Variants in MICAL2 observed in about 807,000 individuals in gnomAD.
The protein encoded by MICAL2 is [F-actin]-monooxygenase MICAL2.
A neutral mutation model predicts 127.3 loss-of-function variants in MICAL2; 77 were observed. The ratio of observed to expected loss-of-function variants is 0.60; its 90% CI spans 0.50 to 0.73. The LOEUF is 0.73. Among genes scored for constraint, MICAL2 ranks in the 30% least tolerant of loss-of-function variants. The pLI is 0.00. For synonymous variants in MICAL2, 570 were observed against 551.1 expected (o/e 1.03, Z -0.48); for missense variants, 1,351 against 1,434.4 (o/e 0.94, Z 0.94).
intron 32 of MICAL2, among the ~76,000 whole-genome samples, chr11:12,330,900 A>AGAGAGAGAGTGTGTGTGT (rs1238311364): frequency 2.5e-5 from 3 of 119,348 alleles, no homozygotes; most frequent in African/African-American, 9.2e-5. Flanking sequence ...AGAGAGAGAG[A>AGAGAGAGAGTGTGTGTGT]GTGTGTGTGT....
Position 12,204,468 on chromosome 11 carries a change from T to A in MICAL2, c.472+11T>A. The stretch of plus-strand genomic sequence containing the variant: ...CCATCGACCATATCAGTGAGTGGAG[T>A]CTATGGTGATATCCCATGAAGGGAG... On this transcript the variant is annotated intron_variant, in intron 4 of 27. Transcript: ENST00000683283. 1 of 1,612,816 alleles carries A rather than the reference T, an allele frequency of 6.2e-7. No homozygotes were observed. The highest frequency in any genetic ancestry group is 8.5e-7 in the Non-Finnish European group (1 of 1,178,984).
intron 26 of MICAL2, chr11:12,261,998 C>T (rs1863180059): frequency 1.0e-6 from 1 of 1,000,074 alleles, no homozygotes; most frequent in Non-Finnish European, 1.2e-6. Context: ...TCCATGAAGC[C>T]CGAGTCGGAA....
intron 3 of MICAL2, among the ~76,000 whole-genome samples, chr11:12,194,606 C>G (rs1487018230): frequency 2.0e-5 from 3 of 152,176 alleles, no homozygotes; most frequent in Non-Finnish European, 2.9e-5. Flanking sequence ...ATCTCAGAAG[C>G]CTCCCCTCTT....
intron 25 of MICAL2, among the ~76,000 whole-genome samples, chr11:12,259,221 T>C (rs1164516010): frequency 6.6e-6 from 1 of 152,242 alleles, no homozygotes; most frequent in African/African-American, 2.4e-5. Context: ...CAGTTGACAT[T>C]TTGTAACATC....
At position 12,188,623 on chromosome 11, in the gene MICAL2, C is replaced by G. The variant is rs563865364; in HGVS notation, c.265-15627C>G. On this transcript the variant is annotated intron_variant, in intron 3 of 27. Transcript: ENST00000683283. ...TGTTTTACTCTCACTTTTGATGAACCAATCTTCTCTCATTGACAATGACAC... is the reference window on the plus strand; with the variant it reads ...TGTTTTACTCTCACTTTTGATGAACGAATCTTCTCTCATTGACAATGACAC... Among the ~76,000 whole-genome samples, 364 of 152,226 alleles carry G rather than the reference C, an allele frequency of 2.4e-3. 3 individuals carry two copies. Among genetic ancestry groups the G allele is most frequent in the African/African-American group, 8.6e-3 (355 of 41,514 alleles).
intron 3 of MICAL2, among the ~76,000 whole-genome samples, chr11:12,188,051 C>T (rs1382141320): frequency 6.6e-6 from 1 of 152,102 alleles, no homozygotes; most frequent in Non-Finnish European, 1.5e-5. Context: ...CTTTTTTCTC[C>T]AGCTTTTTGC....
intron 3 of MICAL2, among the ~76,000 whole-genome samples, chr11:12,174,910 C>T (rs1856669816): frequency 6.6e-6 from 1 of 152,106 alleles, no homozygotes; most frequent in Non-Finnish European, 1.5e-5. Flanking sequence ...TGCTTTAGCT[C>T]AGGAGATTGA....
chr11:12,269,412 A>G (rs887057177), intron 24 of MICAL2, among the ~76,000 whole-genome samples: 1 of 152,258 alleles, frequency 6.6e-6, no homozygotes, highest in Non-Finnish European at 1.5e-5. Flanking sequence ...GGTTCCAAGA[A>G]GAAGGCTCCA....
rs1262064193 is a variant in MICAL2, at chr11:12,236,371, G to A, written c.2064+126G>A. ...TCTCTCATGAACCACTGGGTTCCAA[G>A]CTTGGCGTGATGGAAAAACAGTTGG... On this transcript the variant is annotated intron_variant, in intron 16 of 27. Transcript: ENST00000683283. The A allele has an allele frequency of 1.4e-5, 12 of 827,764 alleles. No individual in the cohort carries two copies. In the East Asian group the frequency reaches 1.5e-4, roughly 10 times the overall value. 51.3% of individuals were successfully genotyped at this position (827,764 alleles called of 1,614,324 possible).
chr11:12,154,777 G>A (rs551009402), intron 2 of MICAL2, among the ~76,000 whole-genome samples: 102 of 152,248 alleles, frequency 6.7e-4, no homozygotes, highest in African/African-American at 2.3e-3. Flanking sequence ...TTTGATACTT[G>A]TAGACTCTCC....
chr11:12,359,351 A>T (rs1202869541), downstream of MICAL2, among the ~76,000 whole-genome samples: 1 of 137,478 alleles, frequency 7.3e-6, no homozygotes. Flanking sequence ...AAAAAAAAAA[A>T]GAGGGGAACT....
intron 3 of MICAL2, among the ~76,000 whole-genome samples, chr11:12,181,118 A>T (rs1345844867): frequency 6.6e-6 from 1 of 151,776 alleles, no homozygotes. Context: ...TAATTTTTCT[A>T]TTTTTAGTAG....
In MICAL2 at chr11:12,118,725, G is replaced by C. The variant is rs568458910; in HGVS notation, c.-149+7999G>C. Among the ~76,000 whole-genome samples the C allele has an allele frequency of 2.1e-3, 316 of 152,302 alleles. 2 individuals are homozygous for C. Among genetic ancestry groups the C allele is most frequent in the South Asian group, 8.1e-3 (39 of 4,828 alleles). ...AAATCCGAGCCCTGTGGCCTTGGGC[G>C]AGTTAATGAATCCTAGTATTTTAGT... On this transcript the variant is annotated intron_variant, in intron 1 of 27. Coordinates refer to ENST00000683283, the MANE Select transcript of MICAL2 (RefSeq NM_001282663.2).
chr11:12,322,353 C>G (rs1864308746), intron 30 of MICAL2, among the ~76,000 whole-genome samples: 1 of 152,106 alleles, frequency 6.6e-6, no homozygotes, highest in African/African-American at 2.4e-5. Flanking sequence ...TGAAGAATCC[C>G]CCGTCCAAAA....
intron 2 of MICAL2, among the ~76,000 whole-genome samples, chr11:12,284,695 G>A (rs2134770542): frequency 6.6e-6 from 1 of 152,276 alleles, no homozygotes; most frequent in South Asian, 2.1e-4. Flanking sequence ...CTTAAGACCT[G>A]CTTGCTCCTT....
Position 12,315,623 on chromosome 11 carries a change from A to G in MICAL2, c.5213-4073A>G, listed in dbSNP as rs564162359. On this transcript the variant is annotated intron_variant, in intron 29 of 34. Coordinates refer to the MICAL2 transcript ENST00000646065. ...AGAGAACATGGTTTTCATTATTTCA[A>G]TCTCCTTAGAACTTTATCAAGATTG... 9.9e-5 allele frequency among the ~76,000 whole-genome samples: 15 copies of G among 152,270 alleles called. No homozygotes were observed. The South Asian group carries it at 2.7e-3, about 27-fold the overall frequency.
intron 22 of MICAL2, 124 bp downstream of exon 22, chr11:12,249,370 G>A (rs3751029): frequency 0.087 from 55,350 of 637,366 alleles, 4,109 homozygotes; most frequent in East Asian, 0.35. Flanking sequence ...GGCACCAGGG[G>A]ACGAAGGTGG....
At chr11:12,222,164 C>A (rs1211440746) in intron 10 of MICAL2, among the ~76,000 whole-genome samples, 1 of 152,190 alleles carries the variant, frequency 6.6e-6, no homozygotes, top group Non-Finnish European at 1.5e-5. Context: ...CCACTGAGAT[C>A]CTGGGCTTCT....
intron 22 of MICAL2, among the ~76,000 whole-genome samples, chr11:12,252,169 C>G (rs770387035): frequency 2.0e-5 from 3 of 152,166 alleles, no homozygotes; most frequent in Non-Finnish European, 4.4e-5. Flanking sequence ...GCTGGGGGCC[C>G]CAGCAGGGGA....
Sources: allele counts gnomAD v4.1 joint callset (sites outside exome capture counted in the v4.1 genomes callset), GRCh38; gene constraint gnomAD v4.1.1; transcripts MANE v1.5; gene names NCBI Gene and HGNC (gene_info 2026-07-23, HGNC 2026-07-21).